Variants in SH2D4A observed in about 807,000 individuals in gnomAD.
SH2D4A encodes the protein SH2 domain-containing protein 4A.
A neutral mutation model predicts 64.7 loss-of-function variants in SH2D4A; 70 were observed. The ratio of observed to expected loss-of-function variants is 1.08; its 90% CI spans 0.89 to 1.32. The LOEUF is 1.32. SH2D4A is among the 40% of genes most tolerant of loss of function. The pLI is 0.00. For synonymous variants in SH2D4A, 268 were observed against 200.7 expected (o/e 1.34, Z -2.83); for missense variants, 706 against 540.1 (o/e 1.31, Z -3.04).
intron 4 of SH2D4A, among the ~76,000 whole-genome samples, chr8:19,356,631 A>G (rs2052795942): frequency 6.6e-6 from 1 of 152,184 alleles, no homozygotes; most frequent in African/African-American, 2.4e-5. Context: ...GAATCTGGGA[A>G]CCCCAGTGGG....
intron 8 of SH2D4A, among the ~76,000 whole-genome samples, chr8:19,385,355 C>T (rs2053368933): frequency 1.3e-5 from 2 of 152,062 alleles, no homozygotes; most frequent in Admixed American, 1.3e-4. Context: ...AATTACAAGG[C>T]ATGGGCCACC....
rs181566527 is a variant in SH2D4A at position 19,368,909 on chromosome 8, C to T, written c.918-4621C>T. On this transcript the variant is annotated intron_variant, in intron 7 of 9. Transcript: ENST00000265807. Reference sequence around the variant, plus strand: ...TGAAAGTGGACATTCTTGTTTTGTTCCAAGTTTTAAAGGAAAAACTTTCCA... The same window carrying T: ...TGAAAGTGGACATTCTTGTTTTGTTTCAAGTTTTAAAGGAAAAACTTTCCA... Among the ~76,000 whole-genome samples the T allele has an allele frequency of 3.2e-3, 485 of 152,138 alleles. 9 individuals are homozygous for T. Among genetic ancestry groups the T allele is most frequent in the Admixed American group, 0.029 (438 of 15,270 alleles).
At chr8:19,315,075 TA>T (rs34808842) in intron 1 of SH2D4A, among the ~76,000 whole-genome samples, 106,784 of 151,790 alleles carry the variant, frequency 0.7, 37,906 homozygotes, top group Middle Eastern at 0.78. Context: ...GGTTTTTACG[TA>T]AAAAAAACCG....
chr8:19,367,515 C>T (rs2053017798), intron 7 of SH2D4A, among the ~76,000 whole-genome samples: 1 of 152,098 alleles, frequency 6.6e-6, no homozygotes, highest in African/African-American at 2.4e-5. Flanking sequence ...TTTTTTCGTA[C>T]ACCTGTTGGT....
chr8:19,345,418 A>AT (rs1479216929), intron 4 of SH2D4A, among the ~76,000 whole-genome samples: 1 of 152,264 alleles, frequency 6.6e-6, no homozygotes, highest in East Asian at 1.9e-4. Flanking sequence ...AAGGGTTGCC[A>AT]TACCGTTTCA....
rs768711025 is a variant in SH2D4A, at chr8:19,393,331, C to T, written c.1062C>T (p.Leu354=). ...IAPWFHGILT[L]KKANELLLST... Reference sequence around the variant, plus strand: ...GCTTTGCCACAGGAATTCTCACACTCAAGAAAGCAAATGAACTTCTTCTGA... The same window carrying T: ...GCTTTGCCACAGGAATTCTCACACTTAAGAAAGCAAATGAACTTCTTCTGA... The change falls in exon 9 of 10, where the codon CTC becomes CTT. Residue 354 remains leucine (L), a synonymous_variant. Coordinates refer to ENST00000265807, the MANE Select transcript of SH2D4A (RefSeq NM_022071.4). 11 of 1,614,066 alleles carry T rather than the reference C, an allele frequency of 6.8e-6. No homozygotes were observed. The South Asian group carries it at 1.2e-4, about 18-fold the overall frequency.
rs891038822 is a variant in SH2D4A at position 19,319,383 on chromosome 8, G to A, written c.-165G>A. 3.1e-6 allele frequency: 4 copies of A among 1,278,570 alleles called. No homozygotes were observed. Among genetic ancestry groups the A allele is most frequent in the African/African-American group, 1.5e-5 (1 of 64,976 alleles). 79.2% of individuals were successfully genotyped at this position (1,278,570 alleles called of 1,614,324 possible). On this transcript the variant is annotated 5_prime_UTR_variant, in exon 2 of 10. Coordinates refer to ENST00000265807, the MANE Select transcript of SH2D4A (RefSeq NM_022071.4). ...ATTTTGGACAGGACATTTGGTGCCA[G>A]GTCTGAGTAGCCAGTTTGCTGAATT...
intron 2 of SH2D4A, among the ~76,000 whole-genome samples, chr8:19,323,159 C>T (rs533778967): frequency 3.3e-5 from 5 of 152,028 alleles, no homozygotes; most frequent in South Asian, 2.1e-4. Flanking sequence ...ACAGCCGCAC[C>T]GTCCAGTGCA....
intron 4 of SH2D4A, among the ~76,000 whole-genome samples, chr8:19,344,136 G>A (rs1156610672): frequency 6.6e-6 from 1 of 152,144 alleles, no homozygotes; most frequent in African/African-American, 2.4e-5. Context: ...AGTTTTCTTT[G>A]TGGCTTACCC....
chr8:19,316,156 GCAGA>G (rs1057301541), intron 1 of SH2D4A, among the ~76,000 whole-genome samples: 92 of 152,314 alleles, frequency 6.0e-4, no homozygotes, highest in African/African-American at 2.1e-3. Flanking sequence ...TTCAGCAGTG[GCAGA>G]ATGGCCACAT....
chr8:19,383,816 A>AG (rs931319881), intron 8 of SH2D4A, among the ~76,000 whole-genome samples: 12 of 152,298 alleles, frequency 7.9e-5, no homozygotes, highest in African/African-American at 2.9e-4. Context: ...GGCTGCCAAA[A>AG]GGGGGAAAAA....
chr8:19,341,138 A>T (rs1010015014), intron 4 of SH2D4A, among the ~76,000 whole-genome samples: 1 of 152,226 alleles, frequency 6.6e-6, no homozygotes, highest in Admixed American at 6.5e-5. Flanking sequence ...AACAGAATTC[A>T]TCACTGCCCC....
chr8:19,334,938 C>G, intron 4 of SH2D4A, 81 bp downstream of exon 4: 2 of 1,463,810 alleles, frequency 1.4e-6, no homozygotes. Context: ...ACTACTGTGG[C>G]TGAGTGTCAG....
intron 2 of SH2D4A, among the ~76,000 whole-genome samples, chr8:19,328,448 G>A (rs895621475): frequency 6.6e-6 from 1 of 152,084 alleles, no homozygotes; most frequent in Non-Finnish European, 1.5e-5. Flanking sequence ...CGAGTTTCAG[G>A]ATTCTGGCAT....
chr8:19,394,977 A>G lies in SH2D4A; in HGVS notation c.*335A>G. The G allele has an allele frequency of 6.1e-6, 1 of 164,062 alleles. No homozygotes were observed. Among genetic ancestry groups the G allele is most frequent in the Non-Finnish European group, 1.3e-5 (1 of 75,970 alleles). 10.2% of individuals were successfully genotyped at this position (164,062 alleles called of 1,614,324 possible). A position where few individuals can be genotyped will look rare whatever the true frequency, so the allele number is the denominator to read the frequency against. ...AATTAAGGTGTACTTGAAAACGAATATCTATCATATGACCCCTGCACTCCC... is the reference window on the plus strand; with the variant it reads ...AATTAAGGTGTACTTGAAAACGAATGTCTATCATATGACCCCTGCACTCCC... On this transcript the variant is annotated 3_prime_UTR_variant, in exon 10 of 10. Transcript: ENST00000265807.
intron 4 of SH2D4A, among the ~76,000 whole-genome samples, chr8:19,341,784 G>A (rs2052532434): frequency 1.3e-5 from 2 of 149,988 alleles, no homozygotes; most frequent in African/African-American, 4.9e-5. Flanking sequence ...AGAAGTTGCA[G>A]CGAGCTATGA....
Position 19,318,855 on chromosome 8 carries a change from C to G in SH2D4A, c.-204-489C>G, listed in dbSNP as rs565075640. On this transcript the variant is annotated intron_variant, in intron 1 of 9. Transcript: ENST00000265807. ...ATGGTGGTCTAGTTTTTATTTCTTCCTTTTTCTTCCTTGAGCATGGCTCTA... is the reference window on the plus strand; with the variant it reads ...ATGGTGGTCTAGTTTTTATTTCTTCGTTTTTCTTCCTTGAGCATGGCTCTA... Among the ~76,000 whole-genome samples, 37 of 152,230 alleles carry G rather than the reference C, an allele frequency of 2.4e-4. 1 individual carries two copies. Among genetic ancestry groups the G allele is most frequent in the Non-Finnish European group, 5.0e-4 (34 of 68,016 alleles).
chr8:19,323,728 A>G (rs1352321810), intron 2 of SH2D4A, among the ~76,000 whole-genome samples: 1 of 152,122 alleles, frequency 6.6e-6, no homozygotes, highest in African/African-American at 2.4e-5. Flanking sequence ...ATAGTTATGG[A>G]TGTGGTACAC....
At chr8:19,339,042 G>A (rs990457060) in intron 4 of SH2D4A, among the ~76,000 whole-genome samples, 17 of 152,248 alleles carry the variant, frequency 1.1e-4, no homozygotes, top group Non-Finnish European at 1.8e-4. Flanking sequence ...GAAGCCGACA[G>A]TGCAGCCTTC....
Sources: gnomAD v4.1 joint callset for allele counts (sites outside exome capture counted in the v4.1 genomes callset) on GRCh38, gnomAD v4.1.1 for gene constraint, MANE v1.5 for transcripts, NCBI Gene and HGNC (gene_info 2026-07-23, HGNC 2026-07-21) for gene names.